RPS29: variants seen among roughly 807,000 people sequenced by gnomAD.
RPS29 encodes small ribosomal subunit protein uS14.
For synonymous variants in RPS29, 37 were observed against 26.9 expected (o/e 1.37, Z -1.16); for missense variants, 60 against 75.7 (o/e 0.79, Z 0.77).
At chr14:49,598,215 C>A in intron 1 of RPS29, 1 of 569,106 alleles carries the variant, frequency 1.8e-6, no homozygotes, top group Non-Finnish European at 3.1e-6. Context: ...TTTAAGGAGG[C>A]AAGACCACGA....
At chr14:49,586,243 C>A (rs759486165) in intron 1 of RPS29, 42 bp downstream of exon 1, 3 of 1,595,698 alleles carry the variant, frequency 1.9e-6, no homozygotes, top group Non-Finnish European at 2.6e-6. Context: ...CAGCCTAGCG[C>A]TCCACGGCAA....
At chr14:49,590,729 C>T (rs1462345565), upstream of RPS29, among the ~76,000 whole-genome samples, 2 of 149,144 alleles carry the variant, frequency 1.3e-5, no homozygotes, top group African/African-American at 5.0e-5. Context: ...CTCACTCTGT[C>T]ACCCAGGCTG....
Position 49,586,030 on chromosome 14 carries a change from G to C in RPS29, c.82C>G (p.His28Asp). The part of the protein sequence containing the change: ...SRSCRVCSNR[H>D]GLIRKYGLNM... ...AGGCCATATTTCCGGATCAGACCGT[G>C]CCGGTTTGAACAGACACGACTGTAA... is the stretch of plus-strand genomic sequence containing the variant. Residue 28 changes from histidine (H) to aspartate (D), a missense_variant, in exon 2 of 3, where the codon CAC becomes GAC. Physicochemically the swap from His to Asp is moderately conservative, Grantham distance 81. Transcript: ENST00000245458. 6.2e-7 allele frequency: 1 copy of C among 1,613,864 alleles called. No homozygotes were observed. The highest frequency in any genetic ancestry group is 8.5e-7 in the Non-Finnish European group (1 of 1,179,784).
downstream of RPS29, among the ~76,000 whole-genome samples, chr14:49,581,820 G>C (rs1158268837): frequency 2.0e-5 from 3 of 151,906 alleles, no homozygotes; most frequent in African/African-American, 7.3e-5. Flanking sequence ...CTTGAACCCA[G>C]GAGTTCAAGA....
At chr14:49,580,506 C>T (rs530550901), downstream of RPS29, among the ~76,000 whole-genome samples, 1 of 152,306 alleles carries the variant, frequency 6.6e-6, no homozygotes, top group East Asian at 1.9e-4. Flanking sequence ...GAAACTTAAA[C>T]TCCAGTATCC....
At chr14:49,591,234 A>G (rs1379007920), upstream of RPS29, among the ~76,000 whole-genome samples, 1 of 152,118 alleles carries the variant, frequency 6.6e-6, no homozygotes, top group Non-Finnish European at 1.5e-5. Context: ...CTAGACCCCT[A>G]TTTTCCCAGT....
chr14:49,584,832 G>T (rs938127096), intron 2 of RPS29, among the ~76,000 whole-genome samples: 5 of 151,670 alleles, frequency 3.3e-5, no homozygotes, highest in Non-Finnish European at 7.4e-5. Flanking sequence ...TCAGAAAGCT[G>T]GTGATTTTTA....
chr14:49,592,800 CAGG>C (rs1383567139), intron 1 of RPS29, among the ~76,000 whole-genome samples: 13 of 151,410 alleles, frequency 8.6e-5, no homozygotes, highest in Non-Finnish European at 1.9e-4. Flanking sequence ...CCCAGCTACT[CAGG>C]AGGCTGAGAC....
chr14:49,575,646 A>T (rs1288007273), exon 3 of RPS29: 1 of 152,236 alleles, frequency 6.6e-6, no homozygotes, highest in Non-Finnish European at 1.5e-5. Context: ...CAGGAGTTCC[A>T]GACCAGCCTG....
Position 49,586,056 on chromosome 14 carries a change from G to C in RPS29, c.63-7C>G. 1 of 1,610,814 alleles carries C rather than the reference G, an allele frequency of 6.2e-7. No homozygotes were observed. On this transcript the variant is annotated splice_region_variant and splice_polypyrimidine_tract_variant and intron_variant, in intron 1 of 2. Coordinates refer to ENST00000245458, the MANE Select transcript of RPS29 (RefSeq NM_001032.5). ...CCGGTTTGAACAGACACGACTGTAAGAAAAGAGACAGCGGTTTTGCAGGTC... is the reference window on the plus strand; with the variant it reads ...CCGGTTTGAACAGACACGACTGTAACAAAAGAGACAGCGGTTTTGCAGGTC...
upstream of RPS29, among the ~76,000 whole-genome samples, chr14:49,590,296 T>G (rs1253528990): frequency 6.6e-6 from 1 of 152,016 alleles, no homozygotes; most frequent in Admixed American, 6.6e-5. Flanking sequence ...GCCAATATGG[T>G]GAAACCCGGT....
upstream of RPS29, chr14:49,587,019 C>G (rs757575901): frequency 6.6e-6 from 1 of 152,470 alleles, no homozygotes; most frequent in Non-Finnish European, 1.5e-5. Flanking sequence ...ACCAGTGACA[C>G]CTACTGGAAT....
upstream of RPS29, among the ~76,000 whole-genome samples, chr14:49,589,118 C>T (rs1436064848): frequency 6.6e-6 from 1 of 152,026 alleles, no homozygotes; most frequent in African/African-American, 2.4e-5. Flanking sequence ...TGGTCTCGAT[C>T]TCCTGACCTC....
At chr14:49,573,844 T>C (rs972060823) in exon 3 of RPS29, 1 of 152,218 alleles carries the variant, frequency 6.6e-6, no homozygotes, top group African/African-American at 2.4e-5. Flanking sequence ...AAAGGAAGAA[T>C]AGATGCACAA....
chr14:49,597,952 AT>A (rs2139525678), intron 1 of RPS29: 1 of 156,094 alleles, frequency 6.4e-6, no homozygotes, highest in East Asian at 1.9e-4. Context: ...CCCGGCCATA[AT>A]TTTATCTTAA....
exon 3 of RPS29, chr14:49,576,377 A>G (rs1370705499): frequency 6.6e-6 from 1 of 152,158 alleles, no homozygotes; most frequent in Non-Finnish European, 1.5e-5. Context: ...GGCTAGGATT[A>G]CAGGCATGAG....
At chr14:49,598,525 G>A (rs1881891399) in exon 1 of RPS29, 1 of 702,378 alleles carries the variant, frequency 1.4e-6, no homozygotes, top group Non-Finnish European at 2.6e-6. Context: ...GCCCGTCCGC[G>A]CCGGGAAATG....
At chr14:49,589,594 A>C (rs919705921), upstream of RPS29, among the ~76,000 whole-genome samples, 9 of 152,232 alleles carry the variant, frequency 5.9e-5, no homozygotes, top group African/African-American at 2.2e-4. Context: ...TGGGAATGTA[A>C]ATTACTTCAG....
chr14:49,597,791 C>T (rs1881867698), intron 1 of RPS29: 1 of 152,062 alleles, frequency 6.6e-6, no homozygotes, highest in African/African-American at 2.4e-5. Flanking sequence ...GGACTACAGA[C>T]ACGCGCCACC....
Sources: gnomAD v4.1 joint callset for allele counts (sites outside exome capture counted in the v4.1 genomes callset) on GRCh38, gnomAD v4.1.1 for gene constraint, MANE v1.5 for transcripts, NCBI Gene and HGNC (gene_info 2026-07-23, HGNC 2026-07-21) for gene names.